FAM234A: variants seen among roughly 807,000 people sequenced by gnomAD.
FAM234A encodes the protein family with sequence similarity 234 member A, also known as protein FAM234A.
In FAM234A, 42 loss-of-function variants were observed where a neutral mutation model predicts 49.1. That is an observed-to-expected ratio of 0.86 (90% CI 0.67 to 1.11). The LOEUF is 1.11. FAM234A is among the 50% of genes least tolerant of loss of function. The probability of loss-of-function intolerance (pLI) is 0.00; values close to 1 mark genes in which losing one functional copy is unlikely to be tolerated. For synonymous variants in FAM234A, 369 were observed against 316.2 expected, an observed-to-expected ratio of 1.17 and a Z score of -1.77; for missense variants, 815 against 745.2, an observed-to-expected ratio of 1.09 and a Z score of -1.09.
chr16:235,421 A>G (rs1467844471), intron 1 of FAM234A, among the ~76,000 whole-genome samples: 2 of 152,128 alleles, frequency 1.3e-5, no homozygotes, highest in African/African-American at 4.8e-5. Flanking sequence ...TCAGGCATAG[A>G]ACACAAAACA....
intron 8 of FAM234A, 149 bp from the exon 9 acceptor site, chr16:263,113 C>G: frequency 2.0e-6 from 2 of 1,016,860 alleles, no homozygotes; most frequent in Non-Finnish European, 2.9e-6. Context: ...CCACCGCGCC[C>G]AGCTCTTCTC....
chr16:253,365 A>T (rs2051096673), intron 2 of FAM234A, among the ~76,000 whole-genome samples: 1 of 151,480 alleles, frequency 6.6e-6, no homozygotes, highest in African/African-American at 2.4e-5. Context: ...ATTTTATTTT[A>T]TTTTTTTCTA....
In FAM234A at chr16:238,866, C is replaced by T. The variant is rs1327741213; in HGVS notation, c.-140+4009C>T. On this transcript the variant is annotated intron_variant, in intron 1 of 12. Transcript: ENST00000399932. ...TTGGGAGGCTGAGGTGGGTGGATCA[C>T]GAGGTCAGGAGATCGAGACTATCCT... is the stretch of plus-strand genomic sequence containing the variant. Among the ~76,000 whole-genome samples the T allele has an allele frequency of 3.5e-5, 5 of 141,824 alleles. No individual in the cohort carries two copies. In the East Asian group the frequency reaches 6.4e-4, roughly 18 times the overall value. The allele number at this position is 141,824 out of a possible 152,430, so 93.0% of individuals were successfully genotyped here. A position where few individuals can be genotyped will look rare whatever the true frequency, so the allele number is the denominator to read the frequency against.
chr16:248,553 T>C (rs1198696350), intron 1 of FAM234A, among the ~76,000 whole-genome samples: 1 of 151,992 alleles, frequency 6.6e-6, no homozygotes, highest in Non-Finnish European at 1.5e-5. Context: ...ATGAAACTGG[T>C]ACCATGCTTC....
chr16:250,737 C>A (rs1444744912), intron 2 of FAM234A, among the ~76,000 whole-genome samples: 1 of 152,180 alleles, frequency 6.6e-6, no homozygotes, highest in Non-Finnish European at 1.5e-5. Flanking sequence ...CTGTTCCGCA[C>A]CTGGCCCCCA....
chr16:239,933 G>C (rs866828118), intron 1 of FAM234A, among the ~76,000 whole-genome samples: 3 of 152,254 alleles, frequency 2.0e-5, no homozygotes, highest in Middle Eastern at 6.8e-3. Context: ...TGGAAAAATG[G>C]TTATGGGCCT....
At chr16:247,833 C>T (rs1312482802) in intron 1 of FAM234A, among the ~76,000 whole-genome samples, 1 of 152,004 alleles carries the variant, frequency 6.6e-6, no homozygotes, top group African/African-American at 2.4e-5. Context: ...TTTTAGAAAC[C>T]TGTGTTTGTC....
At chr16:251,637 A>G (rs567569333) in intron 2 of FAM234A, among the ~76,000 whole-genome samples, 2 of 146,874 alleles carry the variant, frequency 1.4e-5, no homozygotes, top group African/African-American at 5.1e-5. Context: ...TCGGACTCCC[A>G]GAGTGCTGCG....
intron 2 of FAM234A, 183 bp from the exon 3 acceptor site, chr16:254,198 C>T: frequency 1.6e-6 from 1 of 612,504 alleles, no homozygotes; most frequent in Admixed American, 2.9e-5. Flanking sequence ...TAGAGACCTT[C>T]TTAAGTATAA....
chr16:238,968 G>T (rs1461502882), intron 1 of FAM234A, among the ~76,000 whole-genome samples: 2 of 146,512 alleles, frequency 1.4e-5, no homozygotes, highest in South Asian at 4.4e-4. Flanking sequence ...TGTAGTCCCA[G>T]CTACTCAGGA....
At chr16:262,390 C>T (rs762106979) in intron 7 of FAM234A, 34 bp from the exon 8 acceptor site, 11 of 1,569,108 alleles carry the variant, frequency 7.0e-6, no homozygotes, top group African/African-American at 2.7e-5. Flanking sequence ...CAGCGTGACC[C>T]TGGTGACCTC....
rs778184406 is a variant in FAM234A, at chr16:265,370, G to T, written c.*348G>T. 7 of 1,066,698 alleles carry T rather than the reference G, an allele frequency of 6.6e-6. No homozygotes were observed. Among genetic ancestry groups the T allele is most frequent in the Non-Finnish European group, 7.9e-6 (7 of 882,210 alleles). 66.1% of individuals were successfully genotyped at this position (1,066,698 alleles called of 1,614,324 possible). A position where few individuals can be genotyped will look rare whatever the true frequency, so the allele number is the denominator to read the frequency against. On this transcript the variant is annotated 3_prime_UTR_variant, in exon 13 of 13. Coordinates refer to ENST00000399932, the MANE Select transcript of FAM234A (RefSeq NM_032039.4). Reference sequence around the variant, plus strand: ...ATGCAGCACCCCATCCTTACCCGGTGCCCTCTCCTTGCCAGCTTCTCCCCA... The same window carrying T: ...ATGCAGCACCCCATCCTTACCCGGTTCCCTCTCCTTGCCAGCTTCTCCCCA...
At chr16:264,783 C>T in intron 12 of FAM234A, 28 bp from the exon 13 acceptor site, 2 of 1,607,446 alleles carry the variant, frequency 1.2e-6, no homozygotes, top group South Asian at 2.2e-5. Flanking sequence ...CCTGAGCCGC[C>T]CTGACAGCTG....
chr16:250,898 T>C (rs2050974490), intron 2 of FAM234A, among the ~76,000 whole-genome samples: 1 of 152,266 alleles, frequency 6.6e-6, no homozygotes, highest in Non-Finnish European at 1.5e-5. Flanking sequence ...CACTGCATTA[T>C]GGTGTAATTA....
chr16:263,498 G>A, intron 9 of FAM234A, 96 bp downstream of exon 9: 1 of 1,523,478 alleles, frequency 6.6e-7, no homozygotes. Flanking sequence ...GCTGGGGGTG[G>A]GGCCGGAGGC....
chr16:261,553 C>T, intron 6 of FAM234A, 39 bp downstream of exon 6: 1 of 1,539,894 alleles, frequency 6.5e-7, no homozygotes, highest in Non-Finnish European at 8.7e-7. Context: ...GTCACGAGGC[C>T]ACCTGCCACA....
At position 254,374 on chromosome 16, in the gene FAM234A, G is replaced by A. The variant is rs2141281465; in HGVS notation, c.-33-7G>A. 1.9e-6 allele frequency: 3 copies of A among 1,607,544 alleles called. No homozygotes were observed. The highest frequency in any genetic ancestry group is 1.7e-4 in the Middle Eastern group (1 of 6,024). On this transcript the variant is annotated splice_polypyrimidine_tract_variant and splice_region_variant and intron_variant, in intron 2 of 12. Coordinates refer to ENST00000399932, the MANE Select transcript of FAM234A (RefSeq NM_032039.4). ...GGCCTCGCCGACCTCTTGCTTTATC[G>A]ACACAGTGACCAGGAGTTAAACTTT...
downstream of FAM234A, chr16:269,913 G>A (rs534468329): frequency 7.5e-6 from 2 of 266,220 alleles, no homozygotes; most frequent in South Asian, 1.4e-4. Flanking sequence ...CAGGGTTGTG[G>A]AGTCAAATAA....
At chr16:258,109 C>T (rs8062070) in intron 3 of FAM234A, among the ~76,000 whole-genome samples, 1 of 151,922 alleles carries the variant, frequency 6.6e-6, no homozygotes, top group Non-Finnish European at 1.5e-5. Flanking sequence ...CCGCCTCGGC[C>T]TCCTAAAGTG....
Sources: gnomAD v4.1 joint callset for allele counts (sites outside exome capture counted in the v4.1 genomes callset) on GRCh38, gnomAD v4.1.1 for gene constraint, MANE v1.5 for transcripts, NCBI Gene and HGNC (gene_info 2026-07-23, HGNC 2026-07-21) for gene names.